The following EVC variants were observed in gnomAD, a reference collection of about 807,000 sequenced individuals.
EVC encodes the protein EvC ciliary complex subunit 1.
Under a neutral mutation model 118.9 loss-of-function variants are expected in EVC, and 116 were observed. That is an observed-to-expected ratio of 0.98 (90% CI 0.84 to 1.14). The LOEUF (loss-of-function observed/expected upper bound fraction) is 1.14, where lower values mean the gene tolerates loss of function less well. Among genes scored for constraint, EVC ranks in the 50% most tolerant of loss-of-function variants. The pLI is 0.00. For missense variants in EVC, 1,401 were observed against 1,246.4 expected (o/e 1.12, Z -1.87); for synonymous variants, 619 against 534.7 (o/e 1.16, Z -2.18).
intron 11 of EVC, among the ~76,000 whole-genome samples, chr4:5,765,647 C>T (rs1244695857): frequency 1.6e-5 from 2 of 127,140 alleles, no homozygotes; most frequent in Non-Finnish European, 3.4e-5. Flanking sequence ...GATCCCTTTA[C>T]CATTATGTAA....
chr4:5,824,074 G>A, the EVC span, among the ~76,000 whole-genome samples: 1 of 152,186 alleles, frequency 6.6e-6, no homozygotes, highest in Non-Finnish European at 1.5e-5. Flanking sequence ...GCCCTTCCAG[G>A]TGGCTTTTAA....
At chr4:5,784,855 G>A (rs563136624) in intron 12 of EVC, among the ~76,000 whole-genome samples, 23 of 152,168 alleles carry the variant, frequency 1.5e-4, no homozygotes, top group Admixed American at 1.0e-3. Flanking sequence ...TGATCTGCCC[G>A]CCTTAGCCTC....
At chr4:5,717,865 T>C (rs1468180884) in intron 1 of EVC, among the ~76,000 whole-genome samples, 1 of 152,246 alleles carries the variant, frequency 6.6e-6, no homozygotes, top group Non-Finnish European at 1.5e-5. Flanking sequence ...TGAATTGCTA[T>C]GTATTTTTTC....
Position 5,812,720 on chromosome 4 carries a change from CA to C in EVC, c.*1684del, listed in dbSNP as rs1717114727. ...GAACATACCGGGCGAGATCATTCTT[CA>C]GGGGAAGGAGCTGCCCAGAGCATCA... On this transcript the variant is annotated 3_prime_UTR_variant, in exon 21 of 21. Transcript: ENST00000264956. 6.5e-6 allele frequency: 1 copy of C among 153,980 alleles called. No individual in the cohort carries two copies. Among genetic ancestry groups the C allele is most frequent in the Non-Finnish European group, 1.4e-5 (1 of 69,322 alleles). The allele number at this position is 153,980 out of a possible 1,614,324, so 9.5% of individuals were successfully genotyped here.
rs1030040256 is a variant in EVC, at chr4:5,793,489, C to T, written c.1777-119C>T. 2.3e-5 allele frequency: 19 copies of T among 843,346 alleles called. No homozygotes were observed. In the African/African-American group the frequency reaches 2.8e-4, roughly 13 times the overall value. The allele number at this position is 843,346 out of a possible 1,614,324, so 52.2% of individuals were successfully genotyped here. A position where few individuals can be genotyped will look rare whatever the true frequency, so the allele number is the denominator to read the frequency against. ...AGAGAAAATGTTAATGAAATCGGGGCAGAAAGGGATTTAAAAAAGAAACGC... is the reference window on the plus strand; with the variant it reads ...AGAGAAAATGTTAATGAAATCGGGGTAGAAAGGGATTTAAAAAAGAAACGC... On this transcript the variant is annotated intron_variant, in intron 12 of 20. Coordinates refer to ENST00000264956, the MANE Select transcript of EVC (RefSeq NM_153717.3).
chr4:5,737,253 T>C lies in EVC; in HGVS notation c.702+3818T>C, dbSNP rs1488578427. Among the ~76,000 whole-genome samples the C allele has an allele frequency of 6.6e-6, 1 of 152,114 alleles. No homozygotes were observed. The highest frequency in any genetic ancestry group is 2.4e-5 in the African/African-American group (1 of 41,422). ...GGTGAGGAAGCTGCAGAAGAAAAAT[T>C]TGAAGCTAGCAGAGCATGAGGTTTA... On this transcript the variant is annotated intron_variant, in intron 5 of 20. Transcript: ENST00000264956. This position sits in a 1 kb window ranked among gnomAD's most constrained non-coding sequence, Gnocchi z 5.0.
chr4:5,753,665 C>T, intron 9 of EVC, 120 bp from the exon 10 acceptor site: 2 of 1,298,620 alleles, frequency 1.5e-6, no homozygotes, highest in Non-Finnish European at 2.2e-6. Flanking sequence ...GCAGGGCGGG[C>T]ACCATCTCTG....
At chr4:5,820,300 TCAC>T in the EVC span, among the ~76,000 whole-genome samples, 6 of 149,984 alleles carry the variant, frequency 4.0e-5, no homozygotes, top group East Asian at 1.2e-3. Context: ...ATCATCACCA[TCAC>T]CACCATCATT....
In EVC at chr4:5,755,484, AC is replaced by A. The variant is rs1731027417; in HGVS notation, c.1465-779del. On this transcript the variant is annotated intron_variant, in intron 10 of 20. Coordinates refer to ENST00000264956, the MANE Select transcript of EVC (RefSeq NM_153717.3). The surrounding 1 kb of genome is among the most constrained non-coding windows in gnomAD (Gnocchi z 4.1). Reference sequence around the variant, plus strand: ...GAACGACACCAGGCTCCCAGTACACACTCAGCACCCACCTTTTTCCAGTCCC... The same window carrying A: ...GAACGACACCAGGCTCCCAGTACACATCAGCACCCACCTTTTTCCAGTCCC... Among the ~76,000 whole-genome samples, 1 of 152,000 alleles carries A rather than the reference AC, an allele frequency of 6.6e-6. No homozygotes were observed. Among genetic ancestry groups the A allele is most frequent in the Non-Finnish European group, 1.5e-5 (1 of 67,996 alleles).
chr4:5,751,883 G>A (rs920454559), intron 8 of EVC, among the ~76,000 whole-genome samples: 10 of 152,178 alleles, frequency 6.6e-5, no homozygotes, highest in African/African-American at 2.2e-4. Context: ...CTGGGCAGCC[G>A]GGACCAGGCA....
chr4:5,734,849 A>G (rs1727419976), intron 5 of EVC, among the ~76,000 whole-genome samples: 1 of 152,154 alleles, frequency 6.6e-6, no homozygotes, highest in South Asian at 2.1e-4. Flanking sequence ...GATGGGGGCC[A>G]CCAGGCAGCC....
chr4:5,797,313 G>A (rs1714153442), intron 14 of EVC, 81 bp downstream of exon 14: 6 of 1,210,354 alleles, frequency 5.0e-6, no homozygotes, highest in Admixed American at 2.0e-5. Context: ...AGGTTTGCCA[G>A]AACCCGAATC....
At chr4:5,788,407 TGA>T (rs1400662405) in intron 12 of EVC, among the ~76,000 whole-genome samples, 1 of 152,202 alleles carries the variant, frequency 6.6e-6, no homozygotes, top group East Asian at 1.9e-4. Context: ...GTCGTTGGAC[TGA>T]GAGCCAACAG....
intron 11 of EVC, chr4:5,758,312 C>A: frequency 1.8e-6 from 1 of 557,822 alleles, no homozygotes; most frequent in Non-Finnish European, 3.2e-6. Context: ...TCTTAATGCA[C>A]CCAGTTTGCG....
rs765087806 is a variant in EVC at position 5,802,099 on chromosome 4, G to C, written c.2449+5G>C. 1 of 1,598,644 alleles carries C rather than the reference G, an allele frequency of 6.3e-7. No homozygotes were observed. ...AGCACCTGAAGACCCTGCAGGGTAC[G>C]GGACCCCCCCTCAGGGAAGCCCCAG... is the stretch of plus-strand genomic sequence containing the variant. On this transcript the variant is annotated splice_donor_5th_base_variant and intron_variant, in intron 16 of 20. Coordinates refer to ENST00000264956, the MANE Select transcript of EVC (RefSeq NM_153717.3).
intron 17 of EVC, among the ~76,000 whole-genome samples, chr4:5,807,170 C>T (rs867187152): frequency 1.5e-4 from 23 of 152,212 alleles, no homozygotes; most frequent in African/African-American, 5.5e-4. Context: ...CTGTGGGTCT[C>T]TGTTCACACC....
chr4:5,815,633 A>G (rs1203332152), downstream of EVC, among the ~76,000 whole-genome samples: 1 of 152,126 alleles, frequency 6.6e-6, no homozygotes, highest in East Asian at 1.9e-4. Flanking sequence ...GGGCCAGGGA[A>G]GTCCCTTGTG....
chr4:5,780,294 C>T (rs769013301), intron 11 of EVC, among the ~76,000 whole-genome samples: 3 of 152,054 alleles, frequency 2.0e-5, no homozygotes, highest in Non-Finnish European at 4.4e-5. Context: ...GTACATTCAC[C>T]ATACTAAGTG....
At chr4:5,800,494 TGAG>T (rs749035120) in intron 15 of EVC, among the ~76,000 whole-genome samples, 11 of 151,540 alleles carry the variant, frequency 7.3e-5, no homozygotes, top group Non-Finnish European at 1.5e-4. Flanking sequence ...AGAAAAAAAC[TGAG>T]GAGGAGGAGA....
Sources: gnomAD v4.1 joint callset for allele counts (sites outside exome capture counted in the v4.1 genomes callset) on GRCh38, gnomAD v4.1.1 for gene constraint, Gnocchi (gnomAD v3.1) non-coding constraint, MANE v1.5 for transcripts, NCBI Gene and HGNC (gene_info 2026-07-23, HGNC 2026-07-21) for gene names.